The following CDK5RAP1 variants were observed in gnomAD, a reference collection of about 807,000 sequenced individuals.
The protein encoded by CDK5RAP1 is CDK5RAP1 mitochondrial tRNA methylthiotransferase.
CDK5RAP1 carries 62 observed loss-of-function variants against 64.5 expected under a neutral mutation model. The observed-to-expected ratio is 0.96, with a 90% CI of 0.78 to 1.19. The LOEUF (loss-of-function observed/expected upper bound fraction) is 1.19, where lower values mean the gene tolerates loss of function less well. Ranked by LOEUF, CDK5RAP1 falls within the 50% of genes most tolerant of loss-of-function variation. The pLI is 0.00. For missense variants in CDK5RAP1, 657 were observed against 735.0 expected (o/e 0.89, Z 1.23); for synonymous variants, 250 against 261.9 (o/e 0.95, Z 0.44).
chr20:33,387,514 C>G lies in CDK5RAP1; in HGVS notation c.564G>C (p.Leu188Phe), dbSNP rs1214881264. 2 of 1,614,102 alleles carry G rather than the reference C, an allele frequency of 1.2e-6. No homozygotes were observed. The highest frequency in any genetic ancestry group is 2.2e-5 in the South Asian group (2 of 91,084). Residue 188 changes from leucine to phenylalanine, a missense_variant, in exon 6 of 14, where the codon TTG becomes TTC. Physicochemically the swap from Leu to Phe is conservative, Grantham distance 22. Coordinates refer to ENST00000346416, the MANE Select transcript of CDK5RAP1 (RefSeq NM_016408.4). ...IGILGCMAERLKEEILNREKM... is the reference protein window; with the variant it reads ...IGILGCMAERFKEEILNREKM... ...TCTCTCTGTTGAGAATCTCCTCCTT[C>G]AACCTCTCAGCCATGCAGCCTGGAA...
In CDK5RAP1 at chr20:33,366,962, A is replaced by T; in HGVS notation, c.1439T>A (p.Val480Glu). The change falls in exon 12 of 14, where the codon GTA becomes GAA. Residue 480 changes from valine (V) to glutamate (E), a missense_variant. Coordinates refer to ENST00000346416, the MANE Select transcript of CDK5RAP1 (RefSeq NM_016408.4). ...HRLKDDVPEE[V>E]KLRRLEELIT... ...GAGTTCCTCCAAACGCCTTAATTTT[A>T]CCTCTTCCGGGACATCATCCTTCAG... The T allele has an allele frequency of 6.2e-7, 1 of 1,612,608 alleles. No homozygotes were observed. The highest frequency in any genetic ancestry group is 8.5e-7 in the Non-Finnish European group (1 of 1,179,710).
chr20:33,395,481 T>G (rs1988817683), intron 2 of CDK5RAP1, among the ~76,000 whole-genome samples: 1 of 152,108 alleles, frequency 6.6e-6, no homozygotes, highest in Non-Finnish European at 1.5e-5. Flanking sequence ...TACATGCCTG[T>G]GGTCCCAGCT....
intron 4 of CDK5RAP1, among the ~76,000 whole-genome samples, chr20:33,393,108 G>A (rs185406415): frequency 1.1e-4 from 16 of 152,230 alleles, no homozygotes; most frequent in African/African-American, 3.9e-4. Context: ...TTGAACTCCT[G>A]ACCTCATGAT....
Position 33,366,947 on chromosome 20 carries a change from A to C in CDK5RAP1, c.1454T>G (p.Leu485Trp), listed in dbSNP as rs375427750. 1.2e-6 allele frequency: 2 copies of C among 1,614,058 alleles called. No individual in the cohort carries two copies. The highest frequency in any genetic ancestry group is 1.7e-5 in the Admixed American group (1 of 60,014). The part of the protein sequence containing the change: ...DVPEEVKLRR[L>W]EELITIFREE... ...TCGGAAGATAGTGATGAGTTCCTCC[A>C]AACGCCTTAATTTTACCTCTTCCGG... Residue 485 changes from leucine (L) to tryptophan (W), a missense_variant, in exon 12 of 14, where the codon TTG becomes TGG. Coordinates refer to ENST00000346416, the MANE Select transcript of CDK5RAP1 (RefSeq NM_016408.4).
chr20:33,391,361 T>C (rs1162932170), intron 5 of CDK5RAP1, among the ~76,000 whole-genome samples: 3 of 151,716 alleles, frequency 2.0e-5, no homozygotes, highest in Non-Finnish European at 2.9e-5. Flanking sequence ...TACTGAGAAG[T>C]TGAAATGTGG....
Position 33,401,410 on chromosome 20 carries a change from G to C in CDK5RAP1, c.-21+18C>G. 1 of 985,454 alleles carries C rather than the reference G, an allele frequency of 1.0e-6. No individual in the cohort carries two copies. Among genetic ancestry groups the C allele is most frequent in the Non-Finnish European group, 1.2e-6 (1 of 829,956 alleles). The allele number at this position is 985,454 out of a possible 1,614,324, so 61.0% of individuals were successfully genotyped here. A position where few individuals can be genotyped will look rare whatever the true frequency, so the allele number is the denominator to read the frequency against. ...CAAAAGCGGGTGCGCAGCCCACCCC[G>C]GCGGCCGCGCTGCTCACCTCCCGCA... On this transcript the variant is annotated intron_variant, in intron 1 of 13. Coordinates refer to ENST00000346416, the MANE Select transcript of CDK5RAP1 (RefSeq NM_016408.4).
At chr20:33,378,885 G>A (rs1439895389) in intron 8 of CDK5RAP1, among the ~76,000 whole-genome samples, 1 of 152,052 alleles carries the variant, frequency 6.6e-6, no homozygotes, top group Non-Finnish European at 1.5e-5. Context: ...TCTCTGTACA[G>A]CCCTCACGGT....
At chr20:33,388,879 G>A (rs1234522771) in intron 5 of CDK5RAP1, among the ~76,000 whole-genome samples, 6 of 152,116 alleles carry the variant, frequency 3.9e-5, no homozygotes, top group Admixed American at 2.6e-4. Context: ...TGCCAGCCTC[G>A]GCCTCCTGAG....
chr20:33,401,193 CG>C, intron 1 of CDK5RAP1, among the ~76,000 whole-genome samples: 1 of 152,338 alleles, frequency 6.6e-6, no homozygotes, highest in African/African-American at 2.4e-5. Context: ...CCCCACTTCA[CG>C]GGTGGCGAAG....
At chr20:33,379,180 G>A (rs1300315244) in intron 8 of CDK5RAP1, among the ~76,000 whole-genome samples, 1 of 152,102 alleles carries the variant, frequency 6.6e-6, no homozygotes, top group Non-Finnish European at 1.5e-5. Context: ...CAGTAGAGAC[G>A]GGGTTTCGCC....
chr20:33,375,139 T>C (rs494001), intron 8 of CDK5RAP1, among the ~76,000 whole-genome samples: 93,721 of 151,316 alleles, frequency 0.62, 29,454 homozygotes, highest in South Asian at 0.68. Flanking sequence ...CAGTGGCTCA[T>C]GCTTGTAATC....
At chr20:33,388,528 C>G in intron 5 of CDK5RAP1, among the ~76,000 whole-genome samples, 1 of 108,444 alleles carries the variant, frequency 9.2e-6, no homozygotes, top group South Asian at 3.8e-4. Flanking sequence ...CTCCCTCTCC[C>G]TCTCCCCCTC....
chr20:33,359,254 C>T (rs558139664), intron 13 of CDK5RAP1, 131 bp from the exon 14 acceptor site: 2 of 652,516 alleles, frequency 3.1e-6, no homozygotes, highest in African/African-American at 1.8e-5. Flanking sequence ...GACCACATGG[C>T]TCCTGTGTGC....
intron 6 of CDK5RAP1, among the ~76,000 whole-genome samples, chr20:33,387,056 G>A (rs897703187): frequency 6.6e-6 from 1 of 151,946 alleles, no homozygotes; most frequent in African/African-American, 2.4e-5. Flanking sequence ...CCAAGCTCAG[G>A]AGTTTGAGAC....
rs557140578 is a variant in CDK5RAP1, at chr20:33,394,268, T to A, written c.409-202A>T. ...TCCACCTCCCGAGCGGTTCAAGCAA[T>A]TCTCCTGCCTCAGCCTGGGATTACA... On this transcript the variant is annotated intron_variant, in intron 3 of 13. Coordinates refer to ENST00000346416, the MANE Select transcript of CDK5RAP1 (RefSeq NM_016408.4). Among the ~76,000 whole-genome samples, 1,024 of 151,460 alleles carry A rather than the reference T, an allele frequency of 6.8e-3. 6 individuals carry two copies. Among genetic ancestry groups the A allele is most frequent in the Non-Finnish European group, 0.012 (798 of 67,856 alleles).
intron 4 of CDK5RAP1, 86 bp downstream of exon 4, chr20:33,393,946 C>T: frequency 2.1e-6 from 2 of 956,896 alleles, no homozygotes; most frequent in Non-Finnish European, 3.4e-6. Flanking sequence ...ACTGGCTCAT[C>T]TCCATAGACA....
chr20:33,393,890 A>G, intron 4 of CDK5RAP1, 142 bp downstream of exon 4: 1 of 682,182 alleles, frequency 1.5e-6, no homozygotes, highest in Non-Finnish European at 2.7e-6. Flanking sequence ...TTGTATAAAG[A>G]CTATCTCCAC....
Position 33,378,968 on chromosome 20 carries a change from G to A in CDK5RAP1, c.1107+493C>T, listed in dbSNP as rs117899952. 1.8e-4 allele frequency among the ~76,000 whole-genome samples: 28 copies of A among 151,796 alleles called. No individual in the cohort carries two copies. The East Asian group carries it at 2.5e-3, about 14-fold the overall frequency. ...TCCCACCTTGGCAGACTTTTTTTTCGAGACAGGGTCTCGCTATCTCACCCA... is the reference window on the plus strand; with the variant it reads ...TCCCACCTTGGCAGACTTTTTTTTCAAGACAGGGTCTCGCTATCTCACCCA... On this transcript the variant is annotated intron_variant, in intron 8 of 13. Coordinates refer to ENST00000346416, the MANE Select transcript of CDK5RAP1 (RefSeq NM_016408.4).
At chr20:33,374,655 C>G (rs1168355881) in intron 8 of CDK5RAP1, among the ~76,000 whole-genome samples, 1 of 151,896 alleles carries the variant, frequency 6.6e-6, no homozygotes, top group African/African-American at 2.4e-5. Context: ...CCTCTGTCTC[C>G]TGGGTTCAAG....
Sources: allele counts gnomAD v4.1 joint callset (sites outside exome capture counted in the v4.1 genomes callset), GRCh38; gene constraint gnomAD v4.1.1; transcripts MANE v1.5; gene names NCBI Gene and HGNC (gene_info 2026-07-23, HGNC 2026-07-21).